Variants in UNC13B observed in about 807,000 individuals in gnomAD.
UNC13B encodes the protein unc-13 homolog B.
A neutral mutation model predicts 211.0 loss-of-function variants in UNC13B; 144 were observed. That is an observed-to-expected ratio of 0.68 (90% CI 0.60 to 0.78). UNC13B has a LOEUF of 0.78. UNC13B is among the 30% of genes least tolerant of loss of function. The probability of loss-of-function intolerance (pLI) is 0.00; values close to 1 mark genes in which losing one functional copy is unlikely to be tolerated. For synonymous variants in UNC13B, 709 were observed against 725.8 expected (o/e 0.98, Z 0.37); for missense variants, 1,777 against 2,002.0 (o/e 0.89, Z 2.14).
intron 7 of UNC13B, among the ~76,000 whole-genome samples, chr9:35,266,082 C>T (rs564309422): frequency 6.6e-5 from 10 of 152,206 alleles, no homozygotes; most frequent in African/African-American, 1.7e-4. Context: ...GGATTATAGG[C>T]GTTGAGCCAC....
At chr9:35,257,245 G>C (rs1826932544) in intron 6 of UNC13B, among the ~76,000 whole-genome samples, 1 of 149,260 alleles carries the variant, frequency 6.7e-6, no homozygotes, top group Non-Finnish European at 1.5e-5. Context: ...GATCACCTGA[G>C]GTCAGGAGTT....
intron 1 of UNC13B, among the ~76,000 whole-genome samples, chr9:35,183,174 G>A (rs1822056994): frequency 6.8e-6 from 1 of 145,996 alleles, no homozygotes; most frequent in Non-Finnish European, 1.5e-5. Flanking sequence ...GGGGCGGCCG[G>A]GCAGAGGTGC....
intron 5 of UNC13B, among the ~76,000 whole-genome samples, chr9:35,240,514 A>G (rs1246606848): frequency 6.6e-6 from 1 of 152,196 alleles, no homozygotes; most frequent in Non-Finnish European, 1.5e-5. Context: ...GTGAAGGGAA[A>G]ATCAATTGGA....
chr9:35,238,490 G>A (rs957978874), intron 5 of UNC13B, among the ~76,000 whole-genome samples: 41 of 151,698 alleles, frequency 2.7e-4, no homozygotes, highest in African/African-American at 9.7e-4. Context: ...CCTGAACATC[G>A]CTCCATGTTA....
chr9:35,357,514 C>T (rs1040823949), intron 11 of UNC13B, among the ~76,000 whole-genome samples: 4 of 149,918 alleles, frequency 2.7e-5, no homozygotes, highest in Admixed American at 2.0e-4. Flanking sequence ...AATATTTTCT[C>T]TCATTCTGTG....
At chr9:35,343,636 G>A (rs1564150519) in intron 11 of UNC13B, among the ~76,000 whole-genome samples, 1 of 152,116 alleles carries the variant, frequency 6.6e-6, no homozygotes, top group Admixed American at 6.6e-5. Context: ...GTGAAAAGAT[G>A]AGTGAAAGAA....
chr9:35,377,606 A>T lies in UNC13B; in HGVS notation c.9974A>T (p.Asn3325Ile), dbSNP rs376261047. The T allele has an allele frequency of 1.9e-5, 31 of 1,614,102 alleles. No homozygotes were observed. In the African/African-American group the frequency reaches 3.2e-4, roughly 17 times the overall value. The change falls in exon 16 of 40, where the codon AAC (asparagine) becomes ATC (isoleucine). Residue 3325 changes from asparagine (N) to isoleucine (I), a missense_variant. Physicochemically the swap from Asn to Ile is moderately radical, Grantham distance 149. Coordinates refer to ENST00000635942, the MANE Select transcript of UNC13B (RefSeq NM_001371189.2). ...FEVIRDVFTV[N>I]KAAHVQQMKT... The stretch of plus-strand genomic sequence containing the variant: ...GTTATCCGGGACGTCTTCACAGTGA[A>T]CAAAGCTGCCCATGTGCAGCAGATG...
chr9:35,290,257 T>A (rs1829026899), intron 7 of UNC13B, among the ~76,000 whole-genome samples: 1 of 152,080 alleles, frequency 6.6e-6, no homozygotes, highest in African/African-American at 2.4e-5. Flanking sequence ...CCCAATAGGC[T>A]AGAGTGGTTT....
intron 1 of UNC13B, among the ~76,000 whole-genome samples, chr9:35,185,708 C>T (rs1822319437): frequency 6.6e-6 from 1 of 151,586 alleles, no homozygotes; most frequent in Non-Finnish European, 1.5e-5. Flanking sequence ...TCACTTGAGG[C>T]CAGGAGTTCG....
At chr9:35,220,608 G>A (rs950737438) in intron 1 of UNC13B, among the ~76,000 whole-genome samples, 6 of 152,130 alleles carry the variant, frequency 3.9e-5, no homozygotes, top group African/African-American at 1.4e-4. Flanking sequence ...GCAAGTGACA[G>A]GATGTCATTC....
At chr9:35,177,254 A>T (rs1001914592) in intron 1 of UNC13B, among the ~76,000 whole-genome samples, 1 of 152,204 alleles carries the variant, frequency 6.6e-6, no homozygotes, top group Non-Finnish European at 1.5e-5. Flanking sequence ...GCGCCATCTC[A>T]CTCCAGCCTG....
At chr9:35,352,749 G>C in intron 11 of UNC13B, 1 of 1,232,214 alleles carries the variant, frequency 8.1e-7, no homozygotes, top group Non-Finnish European at 1.0e-6. Flanking sequence ...ATCAGTGGCA[G>C]CTGTGATGAA....
At chr9:35,232,198 T>TTTTTTTTTA (rs397941594) in intron 3 of UNC13B, among the ~76,000 whole-genome samples, 1 of 141,272 alleles carries the variant, frequency 7.1e-6, no homozygotes, top group African/African-American at 2.6e-5. Flanking sequence ...TTTTTTTTTT[T>TTTTTTTTTA]GAGGCAGGAT....
intron 1 of UNC13B, among the ~76,000 whole-genome samples, chr9:35,209,528 C>A (rs1401020621): frequency 6.6e-6 from 1 of 152,042 alleles, no homozygotes; most frequent in Non-Finnish European, 1.5e-5. Context: ...CAAGTGCGCA[C>A]CACCACACCC....
At chr9:35,170,810 C>G (rs1202196429) in intron 1 of UNC13B, among the ~76,000 whole-genome samples, 1 of 151,366 alleles carries the variant, frequency 6.6e-6, no homozygotes, top group East Asian at 2.0e-4. Flanking sequence ...TTATATATAC[C>G]TTCTCTTTTT....
At chr9:35,226,858 A>G (rs1824873330) in intron 1 of UNC13B, among the ~76,000 whole-genome samples, 1 of 151,612 alleles carries the variant, frequency 6.6e-6, no homozygotes, top group African/African-American at 2.4e-5. Flanking sequence ...ACAGCCAGGA[A>G]CAATACTTTG....
intron 22 of UNC13B, chr9:35,384,955 A>G (rs867549382): frequency 1.7e-5 from 15 of 887,684 alleles, no homozygotes; most frequent in Middle Eastern, 1.1e-3. Flanking sequence ...AGTAAGTATA[A>G]AAACAACCTT....
In UNC13B at chr9:35,364,636, T is replaced by G. The variant is rs985300789; in HGVS notation, c.9415-2311T>G. On this transcript the variant is annotated intron_variant, in intron 11 of 39. Coordinates refer to ENST00000635942, the MANE Select transcript of UNC13B (RefSeq NM_001371189.2). ...CCTCCCCTCCTTCCCAAGCACTGTA[T>G]GTGTGTGTGTATGTGTGTGTGTGTG... is the stretch of plus-strand genomic sequence containing the variant. The G allele has an allele frequency of 9.5e-6, 14 of 1,466,838 alleles. No homozygotes were observed. The African/African-American group carries it at 1.8e-4, about 19-fold the overall frequency. The allele number at this position is 1,466,838 out of a possible 1,614,324, so 90.9% of individuals were successfully genotyped here.
chr9:35,402,022 G>A lies in UNC13B; in HGVS notation c.12485-1145G>A, dbSNP rs749498549. 33 of 1,549,348 alleles carry A rather than the reference G, an allele frequency of 2.1e-5. No individual in the cohort carries two copies. The East Asian group carries it at 2.4e-4, about 11-fold the overall frequency. ...TCCGGAAAAGGGTATGTTGTACACC[G>A]TGCAGATATGGATCTAACATGGGCT... On this transcript the variant is annotated intron_variant, in intron 37 of 39. Transcript: ENST00000635942.
Sources: allele counts gnomAD v4.1 joint callset (sites outside exome capture counted in the v4.1 genomes callset), GRCh38; gene constraint gnomAD v4.1.1; transcripts MANE v1.5; gene names NCBI Gene and HGNC (gene_info 2026-07-23, HGNC 2026-07-21).